The following ARID1B variants were observed in gnomAD, a reference collection of about 807,000 sequenced individuals.
The protein encoded by ARID1B is AT-rich interaction domain 1B.
ARID1B carries 30 observed loss-of-function variants against 212.3 expected under a neutral mutation model. The ratio of observed to expected loss-of-function variants is 0.14; its 90% CI spans 0.11 to 0.19. The LOEUF is 0.19. Among genes scored for constraint, ARID1B ranks in the 10% least tolerant of loss-of-function variants. The pLI is 1.00. For missense variants in ARID1B, 2,891 were observed against 3,204.0 expected, an observed-to-expected ratio of 0.90 and a Z score of 2.36; for synonymous variants, 1,402 against 1,301.7, an observed-to-expected ratio of 1.08 and a Z score of -1.66.
At chr6:156,878,592 A>G (rs1786783029) in intron 2 of ARID1B, among the ~76,000 whole-genome samples, 1 of 152,240 alleles carries the variant, frequency 6.6e-6, no homozygotes, top group Admixed American at 6.5e-5. Flanking sequence ...GGCTGGGTCA[A>G]TAATCTAGCT....
chr6:156,891,874 GT>G (rs555568271), intron 2 of ARID1B, among the ~76,000 whole-genome samples: 34,462 of 132,254 alleles, frequency 0.26, 3,230 homozygotes, highest in Non-Finnish European at 0.31. Flanking sequence ...TTTCTTTTCT[GT>G]TTTTTTTTTT....
chr6:157,037,892 AGAG>A (rs753366008), intron 4 of ARID1B, among the ~76,000 whole-genome samples: 1 of 152,198 alleles, frequency 6.6e-6, no homozygotes, highest in East Asian at 1.9e-4. Context: ...GAGTAGGAAA[AGAG>A]GAGCTCAAGA....
chr6:156,897,211 TGC>T (rs1562468160), intron 2 of ARID1B, among the ~76,000 whole-genome samples: 117 of 78,546 alleles, frequency 1.5e-3, no homozygotes, highest in African/African-American at 5.0e-3. Flanking sequence ...CTGCTGCTGC[TGC>T]TGCTGCTTCT....
intron 4 of ARID1B, among the ~76,000 whole-genome samples, chr6:156,992,512 A>C (rs1487002810): frequency 6.6e-6 from 1 of 152,212 alleles, no homozygotes; most frequent in East Asian, 1.9e-4. Flanking sequence ...GTTCGTGAGC[A>C]TCTTCGTGAG....
intron 4 of ARID1B, among the ~76,000 whole-genome samples, chr6:157,070,066 G>T (rs758091424): frequency 1.1e-4 from 17 of 152,110 alleles, no homozygotes; most frequent in Non-Finnish European, 2.5e-4. Flanking sequence ...AAAAAGACTA[G>T]AAGGAAATAT....
chr6:157,106,749 G>A (rs1786510911), intron 5 of ARID1B, among the ~76,000 whole-genome samples: 1 of 152,188 alleles, frequency 6.6e-6, no homozygotes, highest in Non-Finnish European at 1.5e-5. Flanking sequence ...ACTCACCGGT[G>A]TTACTCATTG....
In ARID1B at chr6:157,143,326, A is replaced by G. The variant is rs182260607; in HGVS notation, c.2762-5298A>G. ...AACAAATTACTAACCTATTAGAGAA[A>G]CATGGAAATAAGATTGCACTTCTCA... On this transcript the variant is annotated intron_variant, in intron 7 of 19. Transcript: ENST00000636930. Among the ~76,000 whole-genome samples the G allele has an allele frequency of 1.5e-3, 236 of 152,296 alleles. No individual in the cohort carries two copies. In the Middle Eastern group the frequency reaches 0.017, roughly 11 times the overall value.
intron 3 of ARID1B, among the ~76,000 whole-genome samples, chr6:156,932,999 G>C (rs144195502): frequency 6.7e-4 from 102 of 152,300 alleles, no homozygotes; most frequent in African/African-American, 2.2e-3. Flanking sequence ...AAGCCTTAAA[G>C]AGTGAAATAT....
At chr6:156,934,940 A>AGTT (rs1562494784) in intron 3 of ARID1B, among the ~76,000 whole-genome samples, 1 of 92,394 alleles carries the variant, frequency 1.1e-5, no homozygotes, top group Non-Finnish European at 2.4e-5. Flanking sequence ...ATATATATAT[A>AGTT]TATATATATA....
chr6:156,811,656 C>T (rs969064946), intron 1 of ARID1B, among the ~76,000 whole-genome samples: 1 of 152,214 alleles, frequency 6.6e-6, no homozygotes, highest in Non-Finnish European at 1.5e-5. Flanking sequence ...TACCAGAAGC[C>T]TGGTCTCTCT....
At chr6:157,078,468 G>A (rs1784440670) in intron 4 of ARID1B, among the ~76,000 whole-genome samples, 1 of 152,140 alleles carries the variant, frequency 6.6e-6, no homozygotes, top group African/African-American at 2.4e-5. Flanking sequence ...GTTCTTTCTA[G>A]TCTACGTAAC....
chr6:156,964,533 T>G (rs779467626), intron 4 of ARID1B, among the ~76,000 whole-genome samples: 10 of 152,226 alleles, frequency 6.6e-5, no homozygotes, highest in Non-Finnish European at 1.3e-4. Flanking sequence ...TTGAGAAATT[T>G]GTGGTTTTAA....
intron 5 of ARID1B, among the ~76,000 whole-genome samples, chr6:157,109,870 A>C (rs901191263): frequency 1.3e-5 from 2 of 152,254 alleles, no homozygotes; most frequent in Non-Finnish European, 1.5e-5. Context: ...TGGAAATTAA[A>C]TAGATGCTAT....
chr6:156,788,576 A>G lies in ARID1B; in HGVS notation c.1791+9105A>G, dbSNP rs763145646. 3.9e-5 allele frequency among the ~76,000 whole-genome samples: 6 copies of G among 152,224 alleles called. 1 individual carries two copies. In the South Asian group the frequency reaches 6.2e-4, roughly 16 times the overall value. On this transcript the variant is annotated intron_variant, in intron 1 of 19. Coordinates refer to ENST00000636930, the MANE Select transcript of ARID1B (RefSeq NM_001374828.1). ...AAAGGAACGAAGTTGCAAAAATTTA[A>G]AAGTAGGCTTCTTGGAGATTTTGGG...
chr6:156,899,129 G>T (rs563437465), intron 2 of ARID1B, among the ~76,000 whole-genome samples: 1 of 152,322 alleles, frequency 6.6e-6, no homozygotes, highest in African/African-American at 2.4e-5. Flanking sequence ...GTATAGACTT[G>T]CAGGTGGGAC....
In ARID1B at chr6:157,198,793, T is replaced by A. The variant is rs148504269; in HGVS notation, c.4383-18T>A. 150 of 1,592,250 alleles carry A rather than the reference T, an allele frequency of 9.4e-5. No homozygotes were observed. The African/African-American group carries it at 1.7e-3, about 18-fold the overall frequency. ...AAGCTTTTTCTCAGTTAAGTTTTCT[T>A]TGAATGCCTCATTCCAGGCATGAAC... On this transcript the variant is annotated intron_variant, in intron 16 of 19. Coordinates refer to ENST00000636930, the MANE Select transcript of ARID1B (RefSeq NM_001374828.1).
intron 1 of ARID1B, among the ~76,000 whole-genome samples, chr6:156,807,867 A>C (rs1781285424): frequency 6.6e-6 from 1 of 152,250 alleles, no homozygotes; most frequent in Non-Finnish European, 1.5e-5. Context: ...GAATCATTTT[A>C]GAATGTCACC....
intron 6 of ARID1B, among the ~76,000 whole-genome samples, chr6:157,125,030 C>T: frequency 6.6e-6 from 1 of 152,186 alleles, no homozygotes; most frequent in East Asian, 1.9e-4. Context: ...CTACAGGGAG[C>T]TCAGAGCCTA....
rs117502630 is a variant in ARID1B at position 156,960,772 on chromosome 6, C to T, written c.2247+25196C>T. Among the ~76,000 whole-genome samples, 1,191 of 151,776 alleles carry T rather than the reference C, an allele frequency of 7.8e-3. 6 individuals carry two copies. Among genetic ancestry groups the T allele is most frequent in the Non-Finnish European group, 0.013 (865 of 67,986 alleles). On this transcript the variant is annotated intron_variant, in intron 4 of 19. Coordinates refer to ENST00000636930, the MANE Select transcript of ARID1B (RefSeq NM_001374828.1). ...ATATGATTCAGATAGAGGAAAGCCA[C>T]AGGGTTTTAGAATTACAGGCACAAA...
Sources: allele counts gnomAD v4.1 joint callset (sites outside exome capture counted in the v4.1 genomes callset), GRCh38; gene constraint gnomAD v4.1.1; transcripts MANE v1.5; gene names NCBI Gene and HGNC (gene_info 2026-07-23, HGNC 2026-07-21).